Variants in GLI1 observed in about 807,000 individuals in gnomAD.
GLI1 encodes the protein transcription activator GLI1.
In GLI1, 51 loss-of-function variants were observed where a neutral mutation model predicts 87.8. The observed-to-expected ratio is 0.58, with a 90% confidence interval of 0.46 to 0.73. The LOEUF is 0.73. Among genes scored for constraint, GLI1 ranks in the 30% least tolerant of loss-of-function variants. The probability of loss-of-function intolerance (pLI) is 0.00; values close to 1 mark genes in which losing one functional copy is unlikely to be tolerated. For synonymous variants in GLI1, 528 were observed against 558.2 expected (o/e 0.95, Z 0.76); for missense variants, 1,292 against 1,437.2 (o/e 0.90, Z 1.63).
At chr12:57,463,633 T>C in intron 1 of GLI1, 32 bp from the exon 2 acceptor site, 2 of 1,023,440 alleles carry the variant, frequency 2.0e-6, no homozygotes, top group African/African-American at 1.6e-5. Flanking sequence ...CTCTATTTCC[T>C]CCACCTTTAT....
At position 57,463,720 on chromosome 12, in the gene GLI1, T is replaced by C; in HGVS notation, c.29T>C (p.Ile10Thr). The C allele has an allele frequency of 1.2e-6, 2 of 1,612,478 alleles. No homozygotes were observed. Among genetic ancestry groups the C allele is most frequent in the Non-Finnish European group, 1.7e-6 (2 of 1,179,548 alleles). The change falls in exon 2 of 12, where the codon ATC becomes ACC. Residue 10 changes from isoleucine (I) to threonine (T), a missense_variant. By Grantham distance (89) the Ile-to-Thr change is moderately conservative. Around this residue, in one of 3 missense-constraint regions of GLI1, gnomAD observed 383 missense variants for 368.4 expected, o/e 1.04. Transcript: ENST00000228682. Reference protein sequence around the residue: MFNSMTPPPISSYGEPCCLR... With the variant: MFNSMTPPPTSSYGEPCCLR... ...TTCAACTCGATGACCCCACCACCAA[T>C]CAGTAGCTATGGCGAGCCCTGCTGT...
chr12:57,467,680 T>C (rs1871588071), intron 9 of GLI1, among the ~76,000 whole-genome samples, 183 bp downstream of exon 9: 4 of 151,996 alleles, frequency 2.6e-5, no homozygotes. Context: ...TCCTCCTACC[T>C]CTAACCTCTA....
chr12:57,469,528 G>A lies in GLI1; in HGVS notation c.1406G>A (p.Gly469Asp), dbSNP rs1367624794. The A allele has an allele frequency of 6.2e-7, 1 of 1,614,186 alleles. No individual in the cohort carries two copies. Among genetic ancestry groups the A allele is most frequent in the Non-Finnish European group, 8.5e-7 (1 of 1,180,016 alleles). Residue 469 changes from glycine (G) to aspartate (D), a missense_variant, in exon 11 of 12, where the codon GGC becomes GAC. This residue lies in a region of GLI1 where 897 missense variants were observed against 1,040.7 expected (regional missense o/e 0.86). Transcript: ENST00000228682. ...ANTDSGVEMT[G>D]NAGGSTEDLS... ...ACAGACAGTGGTGTGGAAATGACTG[G>A]CAATGCAGGGGGCAGCACTGAAGAC...
intron 4 of GLI1, 94 bp downstream of exon 4, chr12:57,464,962 C>A: frequency 1.6e-6 from 2 of 1,240,392 alleles, no homozygotes; most frequent in Non-Finnish European, 2.4e-6. Context: ...TATTTGAATC[C>A]TTGTCATTTC....
intron 10 of GLI1, among the ~76,000 whole-genome samples, 179 bp downstream of exon 10, chr12:57,468,403 T>C (rs1871640069): frequency 6.6e-6 from 1 of 152,238 alleles, no homozygotes; most frequent in South Asian, 2.1e-4. Context: ...TTTTAGAATC[T>C]TTCTGTCTCA....
chr12:57,471,908 C>T lies in GLI1; in HGVS notation c.3168C>T (p.Pro1056=), dbSNP rs138630661. The T allele has an allele frequency of 1.9e-6, 3 of 1,611,620 alleles. No individual in the cohort carries two copies. The highest frequency in any genetic ancestry group is 2.2e-5 in the South Asian group (2 of 90,816). ...QLDFVAILDE[P]QGLSPPPSHD... is the part of the protein sequence containing the mutation. Reference sequence around the variant, plus strand: ...ACTTTGTGGCTATTCTGGATGAGCCCCAGGGGCTGAGTCCTCCTCCTTCCC... The same window carrying T: ...ACTTTGTGGCTATTCTGGATGAGCCTCAGGGGCTGAGTCCTCCTCCTTCCC... The change falls in exon 12 of 12, where the codon CCC becomes CCT. Residue 1056 remains proline, a synonymous_variant. Transcript: ENST00000228682. The surrounding 1 kb of genome is among the most constrained non-coding windows in gnomAD (Gnocchi z 4.9).
Position 57,471,476 on chromosome 12 carries a change from T to C in GLI1, c.2736T>C (p.Gly912=). ...VQSQQELLWE[G]GGREDAPAQE... ...CTCAACAGGAGCTACTGTGGGAGGG[T>C]GGGGGCAGGGAAGATGCCCCCGCCC... The change falls in exon 12 of 12, where the codon GGT becomes GGC. Residue 912 remains glycine (G), a synonymous_variant. Transcript: ENST00000228682. This position sits in a 1 kb window ranked among gnomAD's most constrained non-coding sequence, Gnocchi z 4.9. The C allele has an allele frequency of 1.2e-6, 2 of 1,610,850 alleles. No individual in the cohort carries two copies. Among genetic ancestry groups the C allele is most frequent in the Non-Finnish European group, 1.7e-6 (2 of 1,177,566 alleles).
rs376773615 is a variant in GLI1 at position 57,467,340 on chromosome 12, G to C, written c.920G>C (p.Gly307Ala). ...GEKPHKCTFE[G>A]CRKSYSRLEN... ...CCCCTGCATGTCCCCCAGTTTGAAG[G>C]GTGCCGGAAGTCATACTCACGCCTC... Residue 307 changes from glycine (G) to alanine (A), a missense_variant, in exon 9 of 12, where the codon GGG becomes GCG. By Grantham distance (60) the Gly-to-Ala change is moderately conservative. Coordinates refer to ENST00000228682, the MANE Select transcript of GLI1 (RefSeq NM_005269.3). 5 of 1,604,512 alleles carry C rather than the reference G, an allele frequency of 3.1e-6. No homozygotes were observed. Among genetic ancestry groups the C allele is most frequent in the Non-Finnish European group, 3.4e-6 (4 of 1,172,366 alleles).
In GLI1 at chr12:57,466,375, C is replaced by T. The variant is rs1476843535; in HGVS notation, c.898C>T (p.Pro300Ser). 1.2e-6 allele frequency: 2 copies of T among 1,612,964 alleles called. No individual in the cohort carries two copies. Among genetic ancestry groups the T allele is most frequent in the Admixed American group, 3.3e-5 (2 of 59,888 alleles). ...CATGCGCAGACACACTGGCGAGAAG[C>T]CACACAAGTGCACGGTGAGGCACCA... is the stretch of plus-strand genomic sequence containing the variant. The part of the protein sequence containing the change: ...VHMRRHTGEK[P>S]HKCTFEGCRK... Residue 300 changes from proline (P) to serine (S), a missense_variant, in exon 8 of 12, where the codon CCA (proline) becomes TCA (serine). Physicochemically the swap from Pro to Ser is moderately conservative, Grantham distance 74. Coordinates refer to ENST00000228682, the MANE Select transcript of GLI1 (RefSeq NM_005269.3).
rs1872083214 is a variant in GLI1, at chr12:57,472,243, T to C, written c.*182T>C. 6.7e-6 allele frequency: 4 copies of C among 598,086 alleles called. No homozygotes were observed. Among genetic ancestry groups the C allele is most frequent in the Non-Finnish European group, 1.1e-5 (4 of 352,314 alleles). The allele number at this position is 598,086 out of a possible 1,614,324, so 37.0% of individuals were successfully genotyped here. ...ATTTGATAATGACACTGTTTCCTGATAATAAAGGAACTGCATCAGAAAAAA... is the reference window on the plus strand; with the variant it reads ...ATTTGATAATGACACTGTTTCCTGACAATAAAGGAACTGCATCAGAAAAAA... On this transcript the variant is annotated 3_prime_UTR_variant, in exon 12 of 12. Coordinates refer to ENST00000228682, the MANE Select transcript of GLI1 (RefSeq NM_005269.3).
Position 57,471,041 on chromosome 12 carries a change from C to T in GLI1, c.2301C>T (p.Pro767=). The T allele has an allele frequency of 4.3e-6, 7 of 1,610,828 alleles. No homozygotes were observed. Among genetic ancestry groups the T allele is most frequent in the Non-Finnish European group, 5.9e-6 (7 of 1,178,288 alleles). ...CCAACTATGGCCCCAACCCCTGTCC[C>T]CAGCAGGCCTCATATCCTGACCCCA... The part of the protein sequence containing the change: ...PPTNYGPNPC[P]QQASYPDPTQ... The change falls in exon 12 of 12, where the codon CCC becomes CCT. Residue 767 remains proline, a synonymous_variant. Coordinates refer to ENST00000228682, the MANE Select transcript of GLI1 (RefSeq NM_005269.3). The surrounding 1 kb of genome is among the most constrained non-coding windows in gnomAD (Gnocchi z 4.9).
At chr12:57,462,548 T>TG (rs1871215082) in intron 1 of GLI1, among the ~76,000 whole-genome samples, 1 of 150,696 alleles carries the variant, frequency 6.6e-6, no homozygotes, top group East Asian at 2.0e-4. Context: ...AGCAGCACCT[T>TG]CTTCCTCGCT....
intron 4 of GLI1, 65 bp downstream of exon 4, chr12:57,464,933 C>T: frequency 7.5e-7 from 1 of 1,338,698 alleles, no homozygotes; most frequent in Non-Finnish European, 1.1e-6. Flanking sequence ...AAGTCTCAAG[C>T]CCTCAAACTA....
At chr12:57,469,396 A>G (rs1199111416) in intron 10 of GLI1, 35 bp from the exon 11 acceptor site, 2 of 1,602,894 alleles carry the variant, frequency 1.2e-6, no homozygotes, top group Admixed American at 3.3e-5. Flanking sequence ...AGCTGTGGGG[A>G]AGGGTGTTGC....
Position 57,471,867 on chromosome 12 carries a change from GACA to G in GLI1, c.3131_3133del (p.Asn1044del), listed in dbSNP as rs769057123. On this transcript the variant is annotated inframe_deletion, in exon 12 of 12. Coordinates refer to ENST00000228682, the MANE Select transcript of GLI1 (RefSeq NM_005269.3). This position sits in a 1 kb window ranked among gnomAD's most constrained non-coding sequence, Gnocchi z 4.9. ...TAACCCCCTGGACTCTCTTGATCTT[GACA>G]ACACTCAGCTGGACTTTGTGGCTAT... 2 of 1,594,036 alleles carry G rather than the reference GACA, an allele frequency of 1.3e-6. No individual in the cohort carries two copies. Among genetic ancestry groups the G allele is most frequent in the Non-Finnish European group, 1.7e-6 (2 of 1,170,986 alleles).
chr12:57,462,202 G>A (rs1476968659), intron 1 of GLI1, among the ~76,000 whole-genome samples: 1 of 151,950 alleles, frequency 6.6e-6, no homozygotes, highest in East Asian at 1.9e-4. Flanking sequence ...CCATCCAGCT[G>A]CCAACCAGCT....
Position 57,467,575 on chromosome 12 carries a change from G to A in GLI1, c.1077+78G>A, listed in dbSNP as rs1871580222. The A allele has an allele frequency of 2.4e-6, 3 of 1,242,118 alleles. No homozygotes were observed. The Admixed American group carries it at 7.0e-5, about 29-fold the overall frequency. The allele number at this position is 1,242,118 out of a possible 1,614,324, so 76.9% of individuals were successfully genotyped here. A position where few individuals can be genotyped will look rare whatever the true frequency, so the allele number is the denominator to read the frequency against. Reference sequence around the variant, plus strand: ...AGATTCCCCCATAAGAAATCCCTTAGCCCAGCACCCACTCCACAGAGGTGA... The same window carrying A: ...AGATTCCCCCATAAGAAATCCCTTAACCCAGCACCCACTCCACAGAGGTGA... On this transcript the variant is annotated intron_variant, in intron 9 of 11. Transcript: ENST00000228682.
At position 57,472,030 on chromosome 12, in the gene GLI1, G is replaced by C. The variant is rs768270155; in HGVS notation, c.3290G>C (p.Gly1097Ala). The change falls in exon 12 of 12, where the codon GGG becomes GCG. Residue 1097 changes from glycine (G) to alanine (A), a missense_variant. By Grantham distance (60) the Gly-to-Ala change is moderately conservative (BLOSUM62 0). Transcript: ENST00000228682. ...NMSVLLRSLP[G>A]ETEFLNSSA ...AGTGTCTTACTGAGATCCCTACCTG[G>C]GGAAACAGAATTCCTCAACTCTAGT... 7 of 1,511,786 alleles carry C rather than the reference G, an allele frequency of 4.6e-6. No homozygotes were observed. Among genetic ancestry groups the C allele is most frequent in the Non-Finnish European group, 6.2e-6 (7 of 1,131,628 alleles). 93.6% of individuals were successfully genotyped at this position (1,511,786 alleles called of 1,614,324 possible).
rs757173437 is a variant in GLI1 at position 57,465,841 on chromosome 12, G to A, written c.678G>A (p.Lys226=). The change falls in exon 7 of 12, where the codon AAG becomes AAA. Residue 226 remains lysine, a synonymous_variant. Coordinates refer to ENST00000228682, the MANE Select transcript of GLI1 (RefSeq NM_005269.3). ...DGREDLEREE[K]REPESVYETD... Reference sequence around the variant, plus strand: ...GGGAGGACCTCGAGAGAGAGGAGAAGCGTGAGCCTGAATCTGTGTATGAAA... The same window carrying A: ...GGGAGGACCTCGAGAGAGAGGAGAAACGTGAGCCTGAATCTGTGTATGAAA... 9.2e-5 allele frequency: 148 copies of A among 1,614,060 alleles called. No individual in the cohort carries two copies. The highest frequency in any genetic ancestry group is 1.2e-4 in the Non-Finnish European group (139 of 1,179,988).
Sources: allele counts gnomAD v4.1 joint callset (sites outside exome capture counted in the v4.1 genomes callset), GRCh38; gene constraint gnomAD v4.1.1; regional missense constraint gnomAD v4.1.1; non-coding constraint Gnocchi (gnomAD v3.1); transcripts MANE v1.5; gene names NCBI Gene and HGNC (gene_info 2026-07-23, HGNC 2026-07-21).